The following C2CD3 variants were observed in gnomAD, a reference collection of about 807,000 sequenced individuals.
The protein encoded by C2CD3 is C2 domain-containing protein 3.
In C2CD3, 148 loss-of-function variants were observed where a neutral mutation model predicts 234.0. The ratio of observed to expected loss-of-function variants is 0.63; its 90% CI spans 0.55 to 0.72. The LOEUF is 0.72. C2CD3 is among the 30% of genes least tolerant of loss of function. The pLI is 0.00. For synonymous variants in C2CD3, 1,000 were observed against 1,035.4 expected, an observed-to-expected ratio of 0.97 and a Z score of 0.66; for missense variants, 2,577 against 2,811.5, an observed-to-expected ratio of 0.92 and a Z score of 1.89.
At chr11:74,040,704 C>T (rs1952995039) in intron 29 of C2CD3, among the ~76,000 whole-genome samples, 1 of 151,842 alleles carries the variant, frequency 6.6e-6, no homozygotes, top group Non-Finnish European at 1.5e-5. Context: ...TGCAGTGAGC[C>T]GAGATTGCGC....
rs1957266466 is a variant in C2CD3 at position 74,122,912 on chromosome 11, C to CTGGCAAGTGA, written c.1365+75_1365+76insTCACTTGCCA. ...AAGGTAAGTTATGTAAAATGCATAG[C>CTGGCAAGTGA]TGTCATGCCTGCAGCTACTAATATT... On this transcript the variant is annotated intron_variant, in intron 8 of 32. Transcript: ENST00000334126. 6.7e-6 allele frequency: 7 copies of CTGGCAAGTGA among 1,045,900 alleles called. No homozygotes were observed. In the South Asian group the frequency reaches 8.3e-5, roughly 12 times the overall value. The allele number at this position is 1,045,900 out of a possible 1,614,324, so 64.8% of individuals were successfully genotyped here. A position where few individuals can be genotyped will look rare whatever the true frequency, so the allele number is the denominator to read the frequency against.
At position 74,062,456 on chromosome 11, in the gene C2CD3, C is replaced by T. The variant is rs546178960; in HGVS notation, c.4952-4912G>A. ...ACCACAGTGCAATCAAACTAGAACTCAGGATTAAGAAATTCACTCAAAACT... is the reference window on the plus strand; with the variant it reads ...ACCACAGTGCAATCAAACTAGAACTTAGGATTAAGAAATTCACTCAAAACT... On this transcript the variant is annotated intron_variant, in intron 24 of 32. Coordinates refer to ENST00000334126, the MANE Select transcript of C2CD3 (RefSeq NM_001286577.2). 7.7e-3 allele frequency among the ~76,000 whole-genome samples: 1,177 copies of T among 152,294 alleles called. 8 individuals are homozygous for T. The highest frequency in any genetic ancestry group is 0.026 in the African/African-American group (1,084 of 41,544).
chr11:74,031,794 C>T (rs1243412085), intron 31 of C2CD3, among the ~76,000 whole-genome samples: 1 of 152,202 alleles, frequency 6.6e-6, no homozygotes, highest in African/African-American at 2.4e-5. Context: ...CGGCCATATT[C>T]TGAGCACAAT....
intron 3 of C2CD3, among the ~76,000 whole-genome samples, chr11:74,149,589 T>C (rs1002326275): frequency 1.3e-5 from 2 of 150,882 alleles, no homozygotes; most frequent in African/African-American, 5.0e-5. Context: ...ACAATAGGTG[T>C]TTTGTAACTT....
chr11:74,089,380 A>T (rs1448247740), intron 20 of C2CD3, among the ~76,000 whole-genome samples: 2 of 152,168 alleles, frequency 1.3e-5, no homozygotes, highest in African/African-American at 4.8e-5. Context: ...CCCAAAACCA[A>T]CCTGTCTTGA....
intron 23 of C2CD3, among the ~76,000 whole-genome samples, chr11:74,077,819 A>ATATATGTG (rs1955131372): frequency 8.5e-5 from 2 of 23,648 alleles, no homozygotes; most frequent in African/African-American, 5.2e-4. Context: ...ATATATATAT[A>ATATATGTG]TATATATATA....
chr11:74,076,337 A>G (rs556379983), intron 23 of C2CD3, among the ~76,000 whole-genome samples: 1 of 152,334 alleles, frequency 6.6e-6, no homozygotes, highest in East Asian at 1.9e-4. Flanking sequence ...CACAGGGCTG[A>G]TAGGGCTAAC....
chr11:74,164,673 A>G (rs973753502), intron 2 of C2CD3: 5 of 152,190 alleles, frequency 3.3e-5, no homozygotes, highest in Admixed American at 6.5e-5. Flanking sequence ...ACAAAAAGTT[A>G]TGAAGATTTA....
intron 32 of C2CD3, among the ~76,000 whole-genome samples, chr11:74,024,295 A>G (rs1432568808): frequency 1.3e-5 from 2 of 152,248 alleles, no homozygotes; most frequent in Non-Finnish European, 2.9e-5. Flanking sequence ...TTAGAATTCT[A>G]TATCCAGTAG....
At chr11:74,111,787 G>A (rs940381589) in intron 11 of C2CD3, among the ~76,000 whole-genome samples, 9 of 151,742 alleles carry the variant, frequency 5.9e-5, no homozygotes, top group Middle Eastern at 3.4e-3. Context: ...ATTTTTTTGC[G>A]ATTTTTTTTT....
At chr11:74,105,803 T>G (rs1565299968) in intron 13 of C2CD3, among the ~76,000 whole-genome samples, 1 of 152,186 alleles carries the variant, frequency 6.6e-6, no homozygotes, top group Non-Finnish European at 1.5e-5. Context: ...ACAGCCCATT[T>G]CCCTCTTTCC....
Position 74,092,502 on chromosome 11 carries a change from T to C in C2CD3, c.3431A>G (p.His1144Arg). The stretch of plus-strand genomic sequence containing the variant: ...GGTCTGTATTCCCACATCCTCACGA[T>C]GCTGGGTGGTTACCATAGCACAGAT... ...SRICAMVTTQ[H>R]REDVGIQTFN... The change falls in exon 19 of 33, where the codon CAT becomes CGT. Residue 1144 changes from histidine to arginine, a missense_variant. Coordinates refer to ENST00000334126, the MANE Select transcript of C2CD3 (RefSeq NM_001286577.2). 2 of 1,613,648 alleles carry C rather than the reference T, an allele frequency of 1.2e-6. No homozygotes were observed. Among genetic ancestry groups the C allele is most frequent in the South Asian group, 2.2e-5 (2 of 91,082 alleles).
intron 3 of C2CD3, among the ~76,000 whole-genome samples, chr11:74,148,385 T>C (rs1003577150): frequency 4.6e-5 from 7 of 151,706 alleles, no homozygotes; most frequent in Non-Finnish European, 8.8e-5. Flanking sequence ...TATGTGTATA[T>C]ATACATAAAT....
chr11:74,103,599 G>T lies in C2CD3; in HGVS notation c.2112C>A (p.Asn704Lys). 1 of 1,612,338 alleles carries T rather than the reference G, an allele frequency of 6.2e-7. No homozygotes were observed. ...LKVTMELITD[N>K]KDFTGINTKL... ...TAGTATTGATACCAGTGAAATCTTT[G>T]TTATCTGTAATAAGCTCCATGGTTA... The change falls in exon 14 of 33, where the codon AAC becomes AAA. Residue 704 changes from asparagine (N) to lysine (K), a missense_variant. Coordinates refer to ENST00000334126, the MANE Select transcript of C2CD3 (RefSeq NM_001286577.2).
chr11:74,158,146 C>T (rs1317087439), intron 3 of C2CD3, among the ~76,000 whole-genome samples: 1 of 152,024 alleles, frequency 6.6e-6, no homozygotes, highest in East Asian at 1.9e-4. Flanking sequence ...TGGGTAAGAC[C>T]TCAAAAGCAC....
In C2CD3 at chr11:74,027,168, G is replaced by A. The variant is rs185369421; in HGVS notation, c.6921+1119C>T. Among the ~76,000 whole-genome samples, 59 of 151,978 alleles carry A rather than the reference G, an allele frequency of 3.9e-4. No individual in the cohort carries two copies. The South Asian group carries it at 5.0e-3, about 13-fold the overall frequency. On this transcript the variant is annotated intron_variant, in intron 32 of 32. Coordinates refer to ENST00000334126, the MANE Select transcript of C2CD3 (RefSeq NM_001286577.2). ...GTCATCCAGGCTGGAGTGCAGTGGC[G>A]CCATCTTAGCTTACTGCAACCTCCA...
intron 7 of C2CD3, among the ~76,000 whole-genome samples, chr11:74,127,004 T>C (rs1957435386): frequency 6.6e-6 from 1 of 152,242 alleles, no homozygotes; most frequent in South Asian, 2.1e-4. Flanking sequence ...TATATTTGTT[T>C]GTGACTGGCT....
intron 2 of C2CD3, chr11:74,164,035 A>T (rs534628002): frequency 3.7e-6 from 1 of 269,556 alleles, no homozygotes; most frequent in East Asian, 1.8e-4. Flanking sequence ...TTAAATTGAC[A>T]GAACTGGGCT....
chr11:74,054,582 G>T, intron 26 of C2CD3, 25 bp downstream of exon 26: 3 of 1,320,620 alleles, frequency 2.3e-6, no homozygotes, highest in Non-Finnish European at 3.2e-6. Flanking sequence ...CAAGCAAGCA[G>T]ATATTCTTTT....
Sources: allele counts gnomAD v4.1 joint callset (sites outside exome capture counted in the v4.1 genomes callset), GRCh38; gene constraint gnomAD v4.1.1; transcripts MANE v1.5; gene names NCBI Gene and HGNC (gene_info 2026-07-23, HGNC 2026-07-21).